The following OCA2 variants were observed in gnomAD, a reference collection of about 807,000 sequenced individuals.
OCA2 encodes P protein.
OCA2 carries 77 observed loss-of-function variants against 100.2 expected under a neutral mutation model. That is an observed-to-expected ratio of 0.77 (90% CI 0.64 to 0.93). The LOEUF (loss-of-function observed/expected upper bound fraction) is 0.93. OCA2 is among the 40% of genes least tolerant of loss of function. OCA2 has a pLI of 0.00. For synonymous variants in OCA2, 432 were observed against 439.2 expected, an observed-to-expected ratio of 0.98 and a Z score of 0.21; for missense variants, 1,062 against 1,089.1, an observed-to-expected ratio of 0.98 and a Z score of 0.35.
chr15:27,869,937 A>C (rs912337706), intron 21 of OCA2, among the ~76,000 whole-genome samples: 4 of 152,194 alleles, frequency 2.6e-5, no homozygotes, highest in African/African-American at 9.6e-5. Flanking sequence ...CCAATTTGGA[A>C]CTTCACCAAA....
rs906105442 is a variant in OCA2, at chr15:27,984,971, C to T, written c.1364+93G>A. ...TCAACCGCCCCCACCTTTTCATGCACCTGAGAATGGAACCTGGAGCCAGGC... is the reference window on the plus strand; with the variant it reads ...TCAACCGCCCCCACCTTTTCATGCATCTGAGAATGGAACCTGGAGCCAGGC... On this transcript the variant is annotated intron_variant, in intron 13 of 23. Transcript: ENST00000354638. The T allele has an allele frequency of 8.5e-5, 127 of 1,499,392 alleles. 1 individual carries two copies. The South Asian group carries it at 1.4e-3, about 17-fold the overall frequency. 92.9% of individuals were successfully genotyped at this position (1,499,392 alleles called of 1,614,324 possible). A position where few individuals can be genotyped will look rare whatever the true frequency, so the allele number is the denominator to read the frequency against.
chr15:27,726,300 AAAATAAATAAAT>A, the OCA2 span, among the ~76,000 whole-genome samples: 182 of 146,532 alleles, frequency 1.2e-3, 1 homozygote, highest in Middle Eastern at 3.6e-3. Flanking sequence ...TCCAGCTCAA[AAAATAAATAAAT>A]AAATAAATAA....
At chr15:27,723,787 G>A in the OCA2 span, among the ~76,000 whole-genome samples, 10 of 152,298 alleles carry the variant, frequency 6.6e-5, no homozygotes, top group East Asian at 1.7e-3. Flanking sequence ...AGAATCTTGA[G>A]GTGCTTGTTC....
chr15:27,802,874 T>TA (rs1465573406), intron 23 of OCA2, among the ~76,000 whole-genome samples: 3 of 151,992 alleles, frequency 2.0e-5, no homozygotes, highest in Non-Finnish European at 4.4e-5. Flanking sequence ...GGTACAACAC[T>TA]AAAAAACACA....
intron 2 of OCA2, among the ~76,000 whole-genome samples, chr15:28,060,259 G>A (rs1018894492): frequency 6.6e-6 from 1 of 152,218 alleles, no homozygotes. Context: ...CTCCAGCAAG[G>A]CCTGCACGCC....
At chr15:27,748,170 G>A in the OCA2 span, among the ~76,000 whole-genome samples, 1 of 152,160 alleles carries the variant, frequency 6.6e-6, no homozygotes, top group African/African-American at 2.4e-5. Flanking sequence ...CTGACAATAA[G>A]TGTTCCTCTT....
At chr15:27,917,683 G>A (rs889835590) in intron 19 of OCA2, among the ~76,000 whole-genome samples, 6 of 152,110 alleles carry the variant, frequency 3.9e-5, no homozygotes, top group African/African-American at 1.4e-4. Flanking sequence ...GCAAGGTGAG[G>A]ACCTGTTACA....
intron 23 of OCA2, among the ~76,000 whole-genome samples, chr15:27,771,856 G>C (rs1485973889): frequency 6.6e-6 from 1 of 152,010 alleles, no homozygotes; most frequent in Non-Finnish European, 1.5e-5. Context: ...CCCCAAAATC[G>C]CCTCCTGGCT....
At position 27,942,508 on chromosome 15, in the gene OCA2, G is replaced by A. The variant is rs984373790; in HGVS notation, c.1951+9276C>T. On this transcript the variant is annotated intron_variant, in intron 18 of 23. Coordinates refer to ENST00000354638, the MANE Select transcript of OCA2 (RefSeq NM_000275.3). ...TCCAGGGTCTGGGGGTTGGGGAAAG[G>A]GGGGAAGCAGTGTGTGAGTGACTAC... Among the ~76,000 whole-genome samples, 6 of 152,138 alleles carry A rather than the reference G, an allele frequency of 3.9e-5. 1 individual carries two copies. Among genetic ancestry groups the A allele is most frequent in the Admixed American group, 3.9e-4 (6 of 15,290 alleles).
At chr15:27,870,745 G>C (rs577546612) in intron 21 of OCA2, among the ~76,000 whole-genome samples, 1 of 139,950 alleles carries the variant, frequency 7.1e-6, no homozygotes, top group African/African-American at 2.7e-5. Context: ...GGGAGGGAGG[G>C]AGGGAGGGAA....
At chr15:27,965,580 G>A (rs1048783519) in intron 15 of OCA2, among the ~76,000 whole-genome samples, 6 of 152,210 alleles carry the variant, frequency 3.9e-5, no homozygotes, top group Admixed American at 1.3e-4. Flanking sequence ...CCACCCATGT[G>A]GAAATGGAAT....
intron 21 of OCA2, among the ~76,000 whole-genome samples, chr15:27,864,081 C>T (rs1384049725): frequency 6.6e-6 from 1 of 152,148 alleles, no homozygotes; most frequent in Non-Finnish European, 1.5e-5. Flanking sequence ...CCCTCTGAGG[C>T]TGCTCCCCAA....
At chr15:27,840,836 G>A (rs75677560) in intron 23 of OCA2, among the ~76,000 whole-genome samples, 3,556 of 152,260 alleles carry the variant, frequency 0.023, 60 homozygotes, top group Non-Finnish European at 0.036. Context: ...AAAGGGCATA[G>A]GAGATAATCT....
intron 19 of OCA2, among the ~76,000 whole-genome samples, chr15:27,910,656 G>T (rs1334377689): frequency 2.2e-5 from 3 of 135,794 alleles, no homozygotes; most frequent in Admixed American, 7.8e-5. Flanking sequence ...GCTTATTTAT[G>T]TTAAAAAAAA....
At chr15:27,842,004 G>C (rs1241081371) in intron 23 of OCA2, among the ~76,000 whole-genome samples, 1 of 152,178 alleles carries the variant, frequency 6.6e-6, no homozygotes, top group African/African-American at 2.4e-5. Flanking sequence ...GCGGTTCTAT[G>C]TCAGAAAATT....
intron 22 of OCA2, among the ~76,000 whole-genome samples, chr15:27,846,844 G>A (rs1474444504): frequency 1.3e-5 from 2 of 152,180 alleles, no homozygotes; most frequent in Non-Finnish European, 2.9e-5. Context: ...GAGGAAGGCT[G>A]GGTGAGGATG....
chr15:27,930,905 C>T (rs72712632), intron 18 of OCA2, among the ~76,000 whole-genome samples: 2 of 152,162 alleles, frequency 1.3e-5, no homozygotes, highest in East Asian at 3.9e-4. Context: ...GTGCTTAGAA[C>T]ACTAAAAGTT....
chr15:28,070,573 G>A (rs1403629018), intron 2 of OCA2, among the ~76,000 whole-genome samples: 168 of 141,510 alleles, frequency 1.2e-3, no homozygotes, highest in African/African-American at 3.6e-3. Flanking sequence ...CAGCCGCCCC[G>A]TCTGGGAGGT....
intron 18 of OCA2, among the ~76,000 whole-genome samples, chr15:27,942,780 A>G (rs1490503286): frequency 1.3e-5 from 2 of 152,180 alleles, no homozygotes; most frequent in Non-Finnish European, 2.9e-5. Flanking sequence ...GATAGTAAGG[A>G]AAGCAGCTAA....
Sources: allele counts gnomAD v4.1 joint callset (sites outside exome capture counted in the v4.1 genomes callset), GRCh38; gene constraint gnomAD v4.1.1; transcripts MANE v1.5; gene names NCBI Gene and HGNC (gene_info 2026-07-23, HGNC 2026-07-21).